The following PARD3B variants were observed in gnomAD, a reference collection of about 807,000 sequenced individuals.
PARD3B encodes the protein partitioning defective 3 homolog B.
Under a neutral mutation model 130.2 loss-of-function variants are expected in PARD3B, and 103 were observed. The ratio of observed to expected loss-of-function variants is 0.79; its 90% CI spans 0.67 to 0.93. PARD3B has a LOEUF of 0.93. Ranked by LOEUF, PARD3B falls within the 40% of genes least tolerant of loss-of-function variation. The pLI, the probability that PARD3B is intolerant of heterozygous loss-of-function variation, is 0.00. For synonymous variants in PARD3B, 583 were observed against 553.2 expected (o/e 1.05, Z -0.76); for missense variants, 1,609 against 1,499.2 (o/e 1.07, Z -1.21).
intron 2 of PARD3B, among the ~76,000 whole-genome samples, chr2:204,735,288 A>C (rs1212414094): frequency 6.6e-6 from 1 of 152,110 alleles, no homozygotes; most frequent in Non-Finnish European, 1.5e-5. Flanking sequence ...TGTCATCAAA[A>C]TTCACATTCT....
rs1459043869 is a variant in PARD3B, at chr2:204,967,535, CT to C, written c.394+2213del. Among the ~76,000 whole-genome samples, 1 of 152,184 alleles carries C rather than the reference CT, an allele frequency of 6.6e-6. No homozygotes were observed. Among genetic ancestry groups the C allele is most frequent in the African/African-American group, 2.4e-5 (1 of 41,450 alleles). On this transcript the variant is annotated intron_variant, in intron 3 of 22. Coordinates refer to ENST00000406610, the MANE Select transcript of PARD3B (RefSeq NM_001302769.2). This position sits in a 1 kb window ranked among gnomAD's most constrained non-coding sequence, Gnocchi z 4.4. ...AACCATATCTAAACTCGTTAGCAAG[CT>C]GATGCAGATGGTTCCTCTGAATCAG...
intron 4 of PARD3B, among the ~76,000 whole-genome samples, chr2:205,081,856 G>A (rs943040953): frequency 6.6e-6 from 1 of 152,012 alleles, no homozygotes; most frequent in Admixed American, 6.5e-5. Context: ...ATTGAGTAAT[G>A]TATTTATATG....
chr2:204,670,787 C>G (rs188661053), intron 1 of PARD3B, among the ~76,000 whole-genome samples: 2 of 152,068 alleles, frequency 1.3e-5, no homozygotes, highest in Non-Finnish European at 2.9e-5. Context: ...CCTTTTGTCT[C>G]GTGCAAACTT....
At chr2:204,811,075 T>G (rs376466459) in intron 2 of PARD3B, among the ~76,000 whole-genome samples, 9 of 152,160 alleles carry the variant, frequency 5.9e-5, no homozygotes, top group African/African-American at 2.2e-4. Context: ...CCATCTCTTC[T>G]AGGTTTTCTA....
intron 10 of PARD3B, among the ~76,000 whole-genome samples, chr2:205,145,337 AAG>A (rs556775280): frequency 6.6e-6 from 1 of 152,110 alleles, no homozygotes; most frequent in African/African-American, 2.4e-5. Context: ...GCAAAAAAAA[AAG>A]AGAAAAGAAA....
rs960506380 is a variant in PARD3B, at chr2:204,967,838, T to C, written c.394+2515T>C. Among the ~76,000 whole-genome samples, 16 of 152,142 alleles carry C rather than the reference T, an allele frequency of 1.1e-4. No individual in the cohort carries two copies. The highest frequency in any genetic ancestry group is 3.6e-4 in the African/African-American group (15 of 41,426). ...GATGTGGTTGGCAGTAGAGGCAGTA[T>C]TGATGGCACTTCTGGGAGTGTGACC... On this transcript the variant is annotated intron_variant, in intron 3 of 22. Transcript: ENST00000406610. The surrounding 1 kb of genome is among the most constrained non-coding windows in gnomAD (Gnocchi z 4.4).
Position 205,589,245 on chromosome 2 carries a change from C to T in PARD3B, c.3261-26211C>T, listed in dbSNP as rs760834594. ...CGAGGCAGCTGTAGTAAGCTGTGAT[C>T]GCACCACTGCCCTGCAGCCTGGGTG... is the stretch of plus-strand genomic sequence containing the variant. On this transcript the variant is annotated intron_variant, in intron 22 of 22. Coordinates refer to ENST00000406610, the MANE Select transcript of PARD3B (RefSeq NM_001302769.2). The surrounding 1 kb of genome is among the most constrained non-coding windows in gnomAD (Gnocchi z 4.1). 6.6e-6 allele frequency among the ~76,000 whole-genome samples: 1 copy of T among 152,188 alleles called. No homozygotes were observed. The highest frequency in any genetic ancestry group is 1.5e-5 in the Non-Finnish European group (1 of 68,042).
intron 18 of PARD3B, among the ~76,000 whole-genome samples, chr2:205,358,787 C>T (rs1230123774): frequency 6.6e-6 from 1 of 152,184 alleles, no homozygotes; most frequent in Non-Finnish European, 1.5e-5. Context: ...TTCCTACCAC[C>T]TCGGTGGCAT....
rs1553542756 is a variant in PARD3B at position 205,550,941 on chromosome 2, G to GTGTA, written c.3181-2382_3181-2381insGTAT. On this transcript the variant is annotated intron_variant, in intron 21 of 22. Transcript: ENST00000406610. This position sits in a 1 kb window ranked among gnomAD's most constrained non-coding sequence, Gnocchi z 4.5. Reference sequence around the variant, plus strand: ...TATAATTATGTGTGTGTGTGTGTGTGTATATATATATGTGTATATATATAT... The same window carrying GTGTA: ...TATAATTATGTGTGTGTGTGTGTGTGTGTATATATATATATGTGTATATATATAT... Among the ~76,000 whole-genome samples, 27 of 114,768 alleles carry GTGTA rather than the reference G, an allele frequency of 2.4e-4. No individual in the cohort carries two copies. The highest frequency in any genetic ancestry group is 7.8e-4 in the African/African-American group (24 of 30,854). 75.3% of individuals were successfully genotyped at this position (114,768 alleles called of 152,430 possible). A position where few individuals can be genotyped will look rare whatever the true frequency, so the allele number is the denominator to read the frequency against.
intron 2 of PARD3B, among the ~76,000 whole-genome samples, chr2:204,691,249 C>T (rs2037340277): frequency 6.6e-6 from 1 of 152,048 alleles, no homozygotes; most frequent in South Asian, 2.1e-4. Context: ...TGCAATATAA[C>T]ATGAAAACAT....
At chr2:205,524,790 T>G (rs1372345813) in intron 21 of PARD3B, among the ~76,000 whole-genome samples, 2 of 152,212 alleles carry the variant, frequency 1.3e-5, no homozygotes, top group Non-Finnish European at 2.9e-5. Context: ...TAGCCTCCTC[T>G]GCCTGCTCCC....
At chr2:205,608,965 C>T (rs1427096151) in intron 22 of PARD3B, among the ~76,000 whole-genome samples, 1 of 152,188 alleles carries the variant, frequency 6.6e-6, no homozygotes, top group Non-Finnish European at 1.5e-5. Flanking sequence ...TCCACCCATT[C>T]CAGTTCTTTG....
intron 1 of PARD3B, among the ~76,000 whole-genome samples, chr2:204,627,800 A>G (rs1227817192): frequency 6.6e-6 from 1 of 152,176 alleles, no homozygotes; most frequent in African/African-American, 2.4e-5. Flanking sequence ...ATAGCATTTC[A>G]TTAAAAACTA....
intron 4 of PARD3B, chr2:205,048,545 T>C (rs1389293840): frequency 6.6e-6 from 1 of 152,162 alleles, no homozygotes; most frequent in Non-Finnish European, 1.5e-5. Context: ...ATATTAAAAA[T>C]TCCCTAAAAG....
At chr2:205,206,743 G>T (rs562189453) in intron 15 of PARD3B, among the ~76,000 whole-genome samples, 1 of 152,168 alleles carries the variant, frequency 6.6e-6, no homozygotes, top group Admixed American at 6.6e-5. Flanking sequence ...GTAATGGGAT[G>T]GCTGGGTCAA....
chr2:204,803,402 T>C (rs1361789192), intron 2 of PARD3B, among the ~76,000 whole-genome samples: 1 of 152,000 alleles, frequency 6.6e-6, no homozygotes, highest in East Asian at 1.9e-4. Context: ...TATGACATTG[T>C]AATTATGATG....
chr2:205,471,311 T>G (rs1013890542), intron 20 of PARD3B, among the ~76,000 whole-genome samples: 2 of 151,808 alleles, frequency 1.3e-5, no homozygotes, highest in African/African-American at 4.8e-5. Context: ...TTAAATGCAT[T>G]GGCTTAAAAA....
intron 3 of PARD3B, among the ~76,000 whole-genome samples, chr2:205,036,244 A>C (rs1193867644): frequency 6.8e-6 from 1 of 146,040 alleles, no homozygotes; most frequent in East Asian, 2.0e-4. Context: ...TATATATATA[A>C]ATATATGTAT....
intron 3 of PARD3B, among the ~76,000 whole-genome samples, chr2:205,002,036 C>G (rs1694878989): frequency 6.6e-6 from 1 of 152,164 alleles, no homozygotes; most frequent in South Asian, 2.1e-4. Flanking sequence ...TATATTTACT[C>G]CATTCCCTAA....
Sources: allele counts gnomAD v4.1 joint callset (sites outside exome capture counted in the v4.1 genomes callset), GRCh38; gene constraint gnomAD v4.1.1; non-coding constraint Gnocchi (gnomAD v3.1); transcripts MANE v1.5; gene names NCBI Gene and HGNC (gene_info 2026-07-23, HGNC 2026-07-21).